The following FLT4 variants were observed in gnomAD, a reference collection of about 807,000 sequenced individuals.
FLT4 encodes fms related receptor tyrosine kinase 4.
A neutral mutation model predicts 163.2 loss-of-function variants in FLT4; 30 were observed. That is an observed-to-expected ratio of 0.18 (90% CI 0.14 to 0.25). FLT4 has a LOEUF of 0.25. Ranked by LOEUF, FLT4 falls within the 10% of genes least tolerant of loss-of-function variation. FLT4 has a pLI of 1.00. For missense variants in FLT4, 1,510 were observed against 1,863.8 expected, an observed-to-expected ratio of 0.81 and a Z score of 3.50; for synonymous variants, 884 against 789.5, an observed-to-expected ratio of 1.12 and a Z score of -2.01.
chr5:180,620,574 G>A lies in FLT4; in HGVS notation c.2406+35C>T. Reference sequence around the variant, plus strand: ...GGCGGCCAGGGTGGGGAAGGCCTGAGAGAGACTCCATCAGGAGCGGGGAGG... The same window carrying A: ...GGCGGCCAGGGTGGGGAAGGCCTGAAAGAGACTCCATCAGGAGCGGGGAGG... On this transcript the variant is annotated intron_variant, in intron 16 of 29. Coordinates refer to ENST00000261937, the MANE Select transcript of FLT4 (RefSeq NM_182925.5). This position sits in a 1 kb window ranked among gnomAD's most constrained non-coding sequence, Gnocchi z 4.4. 2 of 1,493,130 alleles carry A rather than the reference G, an allele frequency of 1.3e-6. No individual in the cohort carries two copies. The highest frequency in any genetic ancestry group is 1.9e-6 in the Non-Finnish European group (2 of 1,071,150). 92.5% of individuals were successfully genotyped at this position (1,493,130 alleles called of 1,614,324 possible).
chr5:180,607,536 A>G (rs13161459), intron 29 of FLT4, among the ~76,000 whole-genome samples: 44,927 of 150,598 alleles, frequency 0.3, 6,881 homozygotes, highest in Middle Eastern at 0.37. Flanking sequence ...AGCTACTCGG[A>G]AGGCTGAGGC....
In FLT4 at chr5:180,603,392, T is replaced by G; in HGVS notation, c.3894-2A>C. 4.3e-6 allele frequency: 7 copies of G among 1,613,662 alleles called. No individual in the cohort carries two copies. Among genetic ancestry groups the G allele is most frequent in the Non-Finnish European group, 5.9e-6 (7 of 1,179,814 alleles). ...ACATTCTGGCCAGGTCCTTTACAGC[T>G]GCCAAGACAGGGAAGGTGGTGTTAG... is the stretch of plus-strand genomic sequence containing the variant. On this transcript the variant is annotated splice_acceptor_variant, in intron 29 of 29. Transcript: ENST00000261937. LOFTEE classifies it high-confidence loss of function.
chr5:180,641,739 C>T (rs948737101), intron 1 of FLT4, among the ~76,000 whole-genome samples: 6 of 152,236 alleles, frequency 3.9e-5, no homozygotes, highest in Admixed American at 3.3e-4. Context: ...ACTGCACATC[C>T]TGCAGGTCTG....
At chr5:180,647,546 G>T (rs760412505) in intron 1 of FLT4, among the ~76,000 whole-genome samples, 3 of 151,794 alleles carry the variant, frequency 2.0e-5, no homozygotes, top group Non-Finnish European at 4.4e-5. Context: ...TGCTCCCACC[G>T]GACCAGCTGC....
rs1055788155 is a variant in FLT4 at position 180,632,259 on chromosome 5, G to A, written c.59-481C>T. On this transcript the variant is annotated intron_variant, in intron 1 of 29. Coordinates refer to ENST00000261937, the MANE Select transcript of FLT4 (RefSeq NM_182925.5). Reference sequence around the variant, plus strand: ...ACGCAGGCCTCGCCCCCTCCTGCCTGCTCTCTGCCAGGGGCCTCGCCCCCT... The same window carrying A: ...ACGCAGGCCTCGCCCCCTCCTGCCTACTCTCTGCCAGGGGCCTCGCCCCCT... Among the ~76,000 whole-genome samples, 15 of 151,856 alleles carry A rather than the reference G, an allele frequency of 9.9e-5. No homozygotes were observed. The East Asian group carries it at 2.9e-3, about 30-fold the overall frequency.
upstream of FLT4, among the ~76,000 whole-genome samples, chr5:180,650,266 G>T (rs1223878468): frequency 2.0e-5 from 3 of 151,742 alleles, no homozygotes; most frequent in African/African-American, 7.3e-5. Flanking sequence ...ACCCGTGAGC[G>T]GGACACCCGG....
chr5:180,648,971 G>A (rs1765617849), intron 1 of FLT4, among the ~76,000 whole-genome samples: 1 of 152,086 alleles, frequency 6.6e-6, no homozygotes, highest in Admixed American at 6.5e-5. Context: ...CCCCGCCGTC[G>A]CCGGCCACGG....
At chr5:180,640,082 C>T (rs768466954) in intron 1 of FLT4, among the ~76,000 whole-genome samples, 1 of 152,198 alleles carries the variant, frequency 6.6e-6, no homozygotes, top group Non-Finnish European at 1.5e-5. Context: ...CAGCCACAGG[C>T]GTGGCGGGCG....
chr5:180,630,330 C>G lies in FLT4; in HGVS notation c.408G>C (p.Glu136Asp), dbSNP rs780487134. Residue 136 changes from glutamate to aspartate, a missense_variant, in exon 4 of 30, where the codon GAG becomes GAC. Around this residue, in one of 5 missense-constraint regions of FLT4, gnomAD observed 163 missense variants for 281.1 expected, o/e 0.58. Transcript: ENST00000261937. The surrounding 1 kb of genome is among the most constrained non-coding windows in gnomAD (Gnocchi z 6.3). ...ASSYVFVRDF[E>D]QPFINKPDTL... ...TGTCAGGCTTGTTGATGAATGGCTG[C>G]TCAAAGTCTATGGAGAGGGAGCAAG... 6.2e-7 allele frequency: 1 copy of G among 1,609,752 alleles called. No individual in the cohort carries two copies. The highest frequency in any genetic ancestry group is 8.5e-7 in the Non-Finnish European group (1 of 1,179,822).
intron 1 of FLT4, among the ~76,000 whole-genome samples, chr5:180,634,516 C>T (rs1335984898): frequency 6.6e-6 from 1 of 151,762 alleles, no homozygotes; most frequent in Non-Finnish European, 1.5e-5. Flanking sequence ...TCCTGGCTAA[C>T]ACGGTGAAAT....
Position 180,636,982 on chromosome 5 carries a change from C to G in FLT4, c.59-5204G>C, listed in dbSNP as rs577189846. 2.6e-5 allele frequency among the ~76,000 whole-genome samples: 4 copies of G among 152,224 alleles called. No individual in the cohort carries two copies. Among genetic ancestry groups the G allele is most frequent in the Admixed American group, 1.3e-4 (2 of 15,282 alleles). ...AGGCCCCCACAGGAGCTCCTCCCCC[C>G]CATTTTCCTGGGTGCACACAGTTCA... is the stretch of plus-strand genomic sequence containing the variant. On this transcript the variant is annotated intron_variant, in intron 1 of 29. Transcript: ENST00000261937. This position sits in a 1 kb window ranked among gnomAD's most constrained non-coding sequence, Gnocchi z 4.3.
chr5:180,618,070 C>T (rs372907235), intron 21 of FLT4, among the ~76,000 whole-genome samples: 16 of 27,140 alleles, frequency 5.9e-4, no homozygotes, highest in South Asian at 2.8e-3. Context: ...GGGACACCCA[C>T]GTCCTACTCC....
rs770342782 is a variant in FLT4, at chr5:180,601,715, C to G, written c.*1477G>C. 2.2e-4 allele frequency: 52 copies of G among 233,186 alleles called. No homozygotes were observed. Among genetic ancestry groups the G allele is most frequent in the Non-Finnish European group, 2.1e-4 (25 of 118,110 alleles). The allele number at this position is 233,186 out of a possible 1,614,324, so 14.4% of individuals were successfully genotyped here. On this transcript the variant is annotated 3_prime_UTR_variant, in exon 30 of 30. Transcript: ENST00000261937. Reference sequence around the variant, plus strand: ...CAACCTCCAGATCCTCCCAGGGAAGCCTGACACGCCAGTCCCACGTTGGAC... The same window carrying G: ...CAACCTCCAGATCCTCCCAGGGAAGGCTGACACGCCAGTCCCACGTTGGAC...
At chr5:180,639,379 G>GTGGATGGATGGATGGA (rs545022264) in intron 1 of FLT4, among the ~76,000 whole-genome samples, 6 of 142,494 alleles carry the variant, frequency 4.2e-5, no homozygotes, top group East Asian at 4.3e-4. Flanking sequence ...GAGTGGATGG[G>GTGGATGGATGGATGGA]TGGATGGATG....
At chr5:180,613,762 G>A (rs1762399386) in intron 24 of FLT4, 2 of 460,998 alleles carry the variant, frequency 4.3e-6, no homozygotes, top group South Asian at 4.3e-5. Flanking sequence ...AGCTCTTGGA[G>A]TAGGCACGTC....
chr5:180,641,895 A>G (rs2127863879), intron 1 of FLT4, among the ~76,000 whole-genome samples: 1 of 152,296 alleles, frequency 6.6e-6, no homozygotes, highest in East Asian at 1.9e-4. Flanking sequence ...GGAACTACAG[A>G]CCACAAACAA....
At chr5:180,625,032 G>GC (rs1763490374) in intron 10 of FLT4, among the ~76,000 whole-genome samples, 1 of 152,172 alleles carries the variant, frequency 6.6e-6, no homozygotes, top group African/African-American at 2.4e-5. Context: ...GACATCTGGG[G>GC]CCGGCTCATG....
intron 10 of FLT4, among the ~76,000 whole-genome samples, chr5:180,625,425 G>A (rs762601939): frequency 3.3e-5 from 5 of 152,228 alleles, no homozygotes; most frequent in Non-Finnish European, 5.9e-5. Context: ...GCACAGATGA[G>A]CTGAGGCCCA....
At chr5:180,637,386 A>C (rs1195239850) in intron 1 of FLT4, among the ~76,000 whole-genome samples, 1 of 151,188 alleles carries the variant, frequency 6.6e-6, no homozygotes, top group Non-Finnish European at 1.5e-5. Context: ...CCTACATCCC[A>C]AAACCCACAC....
Sources: allele counts gnomAD v4.1 joint callset (sites outside exome capture counted in the v4.1 genomes callset), GRCh38; gene constraint gnomAD v4.1.1; regional missense constraint gnomAD v4.1.1; non-coding constraint Gnocchi (gnomAD v3.1); transcripts MANE v1.5; gene names NCBI Gene and HGNC (gene_info 2026-07-23, HGNC 2026-07-21).